USP35: variants seen among roughly 807,000 people sequenced by gnomAD.
USP35 encodes the protein ubiquitin specific peptidase 35.
In USP35, 69 loss-of-function variants were observed where a neutral mutation model predicts 83.8. The observed-to-expected ratio is 0.82, with a 90% CI of 0.68 to 1.01. USP35 has a LOEUF of 1.01. USP35 is among the 50% of genes least tolerant of loss of function. USP35 has a pLI of 0.00. For synonymous variants in USP35, 714 were observed against 589.5 expected (o/e 1.21, Z -3.06); for missense variants, 1,503 against 1,362.5 (o/e 1.10, Z -1.62).
chr11:78,225,299 C>G, the USP35 span: 2 of 750,606 alleles, frequency 2.7e-6, no homozygotes, highest in African/African-American at 3.5e-5. Context: ...CTTACTGATA[C>G]TCCAGAAGAT....
the USP35 span, chr11:78,221,634 G>A: frequency 8.0e-7 from 1 of 1,251,600 alleles, no homozygotes; most frequent in Non-Finnish European, 1.2e-6. Flanking sequence ...TGGGTCCCAG[G>A]GGACTTGAAA....
At chr11:78,220,360 C>A in the USP35 span, 5 of 1,612,848 alleles carry the variant, frequency 3.1e-6, no homozygotes, top group Non-Finnish European at 1.7e-6. Flanking sequence ...AAGTCCAGGG[C>A]CAGATAATCA....
chr11:78,209,623 G>A lies in USP35; in HGVS notation c.1768G>A (p.Glu590Lys), dbSNP rs1863660644. Residue 590 changes from glutamate to lysine, a missense_variant, in exon 10 of 11, where the codon GAG becomes AAG. By Grantham distance (56) the Glu-to-Lys change is moderately conservative. Transcript: ENST00000529308. ...CTGCTGCCTCAACGTCTCCTCCCGG[G>A]AGGAGGCCTTCACGGACCTCTCTCT... Reference protein sequence around the residue: ...CLCCLNVSSREEAFTDLSLAF... With the variant: ...CLCCLNVSSRKEAFTDLSLAF... 1.2e-6 allele frequency: 2 copies of A among 1,614,116 alleles called. No homozygotes were observed. Among genetic ancestry groups the A allele is most frequent in the African/African-American group, 1.3e-5 (1 of 75,038 alleles).
Position 78,213,857 on chromosome 11 carries a change from G to C in USP35, c.*44G>C. On this transcript the variant is annotated 3_prime_UTR_variant, in exon 11 of 11. Transcript: ENST00000529308. Reference sequence around the variant, plus strand: ...CTGACCCCTTCCCTCCAGGAGCCAGGTAGGGCCTGAGGGAAGCTGTGGAGG... The same window carrying C: ...CTGACCCCTTCCCTCCAGGAGCCAGCTAGGGCCTGAGGGAAGCTGTGGAGG... The C allele has an allele frequency of 1.3e-6, 2 of 1,529,752 alleles. No individual in the cohort carries two copies. Among genetic ancestry groups the C allele is most frequent in the Non-Finnish European group, 1.7e-6 (2 of 1,150,118 alleles). The allele number at this position is 1,529,752 out of a possible 1,614,324, so 94.8% of individuals were successfully genotyped here.
Position 78,209,511 on chromosome 11 carries a change from C to G in USP35, c.1656C>G (p.Pro552=), listed in dbSNP as rs1206166192. ...ICQKLKQSSS[P]SPPEEPPAPS... is the part of the protein sequence containing the mutation. ...AGAAACTCAAGCAGTCCAGCTCGCCCTCTCCGCCCGAGGAGCCCCCGGCCC... is the reference window on the plus strand; with the variant it reads ...AGAAACTCAAGCAGTCCAGCTCGCCGTCTCCGCCCGAGGAGCCCCCGGCCC... The change falls in exon 10 of 11, where the codon CCC becomes CCG. Residue 552 remains proline, a synonymous_variant. Coordinates refer to ENST00000529308, the MANE Select transcript of USP35 (RefSeq NM_020798.4). 4.3e-6 allele frequency: 7 copies of G among 1,614,054 alleles called. No individual in the cohort carries two copies. Among genetic ancestry groups the G allele is most frequent in the Non-Finnish European group, 5.9e-6 (7 of 1,179,966 alleles).
chr11:78,232,767 G>A, the USP35 span, among the ~76,000 whole-genome samples: 1 of 152,146 alleles, frequency 6.6e-6, no homozygotes. Context: ...TAGATAGAAG[G>A]CTGGTATTAG....
chr11:78,212,014 C>T (rs968748110), intron 10 of USP35, among the ~76,000 whole-genome samples: 6 of 152,144 alleles, frequency 3.9e-5, no homozygotes, highest in Non-Finnish European at 5.9e-5. Context: ...AAATCTTTGC[C>T]TATGCCTATG....
intron 10 of USP35, among the ~76,000 whole-genome samples, chr11:78,211,929 A>T (rs1364549662): frequency 6.6e-6 from 1 of 152,174 alleles, no homozygotes; most frequent in South Asian, 2.1e-4. Context: ...TACTCCGCAT[A>T]AGCTCTTTAG....
rs374889758 is a variant in USP35, at chr11:78,210,130, C to G, written c.2275C>G (p.Arg759Gly). The change falls in exon 10 of 11, where the codon CGC becomes GGC. Residue 759 changes from arginine (R) to glycine (G), a missense_variant. Physicochemically the swap from Arg to Gly is moderately radical, Grantham distance 125. Coordinates refer to ENST00000529308, the MANE Select transcript of USP35 (RefSeq NM_020798.4). ...GERTCGSEGS[R>G]SVLDLVNYFL... Reference sequence around the variant, plus strand: ...GCGGACATGTGGCTCTGAGGGCTCCCGCTCCGTCCTGGACCTGGTTAACTA... The same window carrying G: ...GCGGACATGTGGCTCTGAGGGCTCCGGCTCCGTCCTGGACCTGGTTAACTA... 1 of 1,613,600 alleles carries G rather than the reference C, an allele frequency of 6.2e-7. No individual in the cohort carries two copies.
rs144906143 is a variant in USP35, at chr11:78,201,376, G to A, written c.1197+568G>A. ...CCTGCTCTGCACCAAGCCCAGGCTG[G>A]GAACTGGGGGCATGGGCATGAAGCA... On this transcript the variant is annotated intron_variant, in intron 6 of 10. Transcript: ENST00000529308. Among the ~76,000 whole-genome samples the A allele has an allele frequency of 3.7e-4, 57 of 152,342 alleles. No individual in the cohort carries two copies. The Middle Eastern group carries it at 0.01, about 27-fold the overall frequency.
At chr11:78,232,535 A>G in the USP35 span, among the ~76,000 whole-genome samples, 1 of 152,196 alleles carries the variant, frequency 6.6e-6, no homozygotes, top group Admixed American at 6.5e-5. Flanking sequence ...TTGGCAATAG[A>G]TATTATTCTG....
Position 78,213,684 on chromosome 11 carries a change from C to A in USP35, c.2928C>A (p.Ile976=), listed in dbSNP as rs1411332169. 23 of 1,519,980 alleles carry A rather than the reference C, an allele frequency of 1.5e-5. No homozygotes were observed. Among genetic ancestry groups the A allele is most frequent in the Non-Finnish European group, 1.9e-5 (22 of 1,143,096 alleles). The allele number at this position is 1,519,980 out of a possible 1,614,324, so 94.2% of individuals were successfully genotyped here. Reference sequence around the variant, plus strand: ...AGGCCCGGAGCAGGGCGGCCTACATCTCTGCACTCCCCACATCTCCGCACT... The same window carrying A: ...AGGCCCGGAGCAGGGCGGCCTACATATCTGCACTCCCCACATCTCCGCACT... ...EKEARSRAAY[I]SALPTSPHWG... is the part of the protein sequence containing the mutation. Residue 976 remains isoleucine, a synonymous_variant, in exon 11 of 11, where the codon ATC becomes ATA. Coordinates refer to ENST00000529308, the MANE Select transcript of USP35 (RefSeq NM_020798.4).
downstream of USP35, chr11:78,216,572 G>A (rs1864156646): frequency 1.3e-5 from 2 of 149,420 alleles, no homozygotes; most frequent in African/African-American, 5.1e-5. Context: ...GATTTTGGTA[G>A]TTACCAGAAT....
In USP35 at chr11:78,208,982, C is replaced by T. The variant is rs371450891; in HGVS notation, c.1592+19C>T. 129 of 1,611,468 alleles carry T rather than the reference C, an allele frequency of 8.0e-5. No individual in the cohort carries two copies. Among genetic ancestry groups the T allele is most frequent in the Middle Eastern group, 5.0e-4 (3 of 6,058 alleles). ...TGGATCGGTAAGGGGGCCAGGGCTA[C>T]GCGAAGACTCCAGGTCTAGAGGGTC... On this transcript the variant is annotated intron_variant, in intron 9 of 10. Transcript: ENST00000529308.
intron 3 of USP35, chr11:78,199,164 G>C (rs1156237454): frequency 4.7e-6 from 1 of 214,238 alleles, no homozygotes; most frequent in Non-Finnish European, 9.5e-6. Context: ...AGAACCCTCT[G>C]AGGGAGGTAT....
intron 1 of USP35, among the ~76,000 whole-genome samples, chr11:78,194,283 G>A (rs1055403157): frequency 3.9e-5 from 6 of 152,160 alleles, no homozygotes; most frequent in South Asian, 2.1e-4. Flanking sequence ...ATCGTAACAC[G>A]TGCAGCAATG....
At position 78,212,898 on chromosome 11, in the gene USP35, G is replaced by A. The variant is rs116595604; in HGVS notation, c.2890-748G>A. On this transcript the variant is annotated intron_variant, in intron 10 of 10. Coordinates refer to ENST00000529308, the MANE Select transcript of USP35 (RefSeq NM_020798.4). ...GGGACCAGTTGAGTCTGAGGGGGAG[G>A]AGGATGCTTCGGGTGTGGGGGGAGG... Among the ~76,000 whole-genome samples, 1,082 of 152,200 alleles carry A rather than the reference G, an allele frequency of 7.1e-3. 15 individuals are homozygous for A. Among genetic ancestry groups the A allele is most frequent in the African/African-American group, 0.024 (1,008 of 41,508 alleles).
rs767679127 is a variant in USP35 at position 78,209,812 on chromosome 11, C to A, written c.1957C>A (p.Pro653Thr). ...GAAACACTGCATCACAGAGGACACC[C>A]CCCCCACCAGCCTGTACATCGAAGG... ...QRKHCITEDT[P>T]PTSLYIEGLD... Residue 653 changes from proline (P) to threonine (T), a missense_variant, in exon 10 of 11, where the codon CCC becomes ACC. By Grantham distance (38) the Pro-to-Thr change is conservative (BLOSUM62 -1). Transcript: ENST00000529308. The A allele has an allele frequency of 1.2e-5, 20 of 1,613,484 alleles. No individual in the cohort carries two copies. The Admixed American group carries it at 3.0e-4, about 24-fold the overall frequency.
At chr11:78,227,337 A>C in the USP35 span, among the ~76,000 whole-genome samples, 1 of 152,202 alleles carries the variant, frequency 6.6e-6, no homozygotes, top group African/African-American at 2.4e-5. Context: ...CACTGTTTTA[A>C]GTACCGCAGA....
Sources: gnomAD v4.1 joint callset for allele counts (sites outside exome capture counted in the v4.1 genomes callset) on GRCh38, gnomAD v4.1.1 for gene constraint, MANE v1.5 for transcripts, NCBI Gene and HGNC (gene_info 2026-07-23, HGNC 2026-07-21) for gene names.